SRGAP3: variants seen among roughly 807,000 people sequenced by gnomAD.
The protein encoded by SRGAP3 is SLIT-ROBO Rho GTPase activating protein 3.
A neutral mutation model predicts 121.1 loss-of-function variants in SRGAP3; 39 were observed. The ratio of observed to expected loss-of-function variants is 0.32; its 90% CI spans 0.25 to 0.42. SRGAP3 has a LOEUF of 0.42. SRGAP3 is among the 10% of genes least tolerant of loss of function. The pLI is 1.00. For missense variants in SRGAP3, 1,213 were observed against 1,470.6 expected (o/e 0.82, Z 2.86); for synonymous variants, 601 against 570.0 (o/e 1.05, Z -0.77).
chr3:9,257,698 CTTTTT>C (rs386395913), intron 3 of SRGAP3, among the ~76,000 whole-genome samples: 21 of 73,246 alleles, frequency 2.9e-4, no homozygotes, highest in African/African-American at 9.7e-4. Flanking sequence ...AAAATAGCTC[CTTTTT>C]TTTTTTTTTT....
At chr3:9,101,412 C>G (rs1227866072) in intron 3 of SRGAP3, among the ~76,000 whole-genome samples, 3 of 152,228 alleles carry the variant, frequency 2.0e-5, no homozygotes, top group African/African-American at 7.2e-5. Context: ...AGCCCTGCAG[C>G]GCCCCAGCCA....
intron 3 of SRGAP3, among the ~76,000 whole-genome samples, chr3:9,287,896 C>G (rs1954802954): frequency 6.6e-6 from 1 of 151,920 alleles, no homozygotes; most frequent in African/African-American, 2.4e-5. Flanking sequence ...TCTTGATGTT[C>G]TGAAGTTTCA....
At chr3:9,092,570 C>T (rs1947801445) in intron 3 of SRGAP3, among the ~76,000 whole-genome samples, 1 of 152,120 alleles carries the variant, frequency 6.6e-6, no homozygotes, top group Non-Finnish European at 1.5e-5. Flanking sequence ...TTGCCCAAGG[C>T]CATAGAGCTA....
chr3:8,990,351 C>T (rs1351851321), intron 21 of SRGAP3, among the ~76,000 whole-genome samples, 161 bp downstream of exon 21: 2 of 152,254 alleles, frequency 1.3e-5, no homozygotes, highest in Non-Finnish European at 2.9e-5. Flanking sequence ...TCCACTCCCA[C>T]GGGAAGCCCA....
intron 1 of SRGAP3, among the ~76,000 whole-genome samples, chr3:9,160,064 G>A (rs979968100): frequency 6.6e-6 from 1 of 152,166 alleles, no homozygotes; most frequent in African/African-American, 2.4e-5. Flanking sequence ...GGCTGCCTGG[G>A]TTCAAATCCC....
At chr3:9,050,991 C>T (rs1260443391) in intron 9 of SRGAP3, among the ~76,000 whole-genome samples, 1 of 139,178 alleles carries the variant, frequency 7.2e-6, no homozygotes, top group Non-Finnish European at 1.5e-5. Flanking sequence ...TAAATGACTA[C>T]AATCCAATCA....
At chr3:9,206,205 C>A (rs1209141979) in intron 1 of SRGAP3, among the ~76,000 whole-genome samples, 1 of 152,144 alleles carries the variant, frequency 6.6e-6, no homozygotes, top group Non-Finnish European at 1.5e-5. Context: ...AAAAAAAATG[C>A]AGGCTCTGTG....
At chr3:9,103,193 C>G (rs2124907913) in intron 3 of SRGAP3, among the ~76,000 whole-genome samples, 1 of 152,306 alleles carries the variant, frequency 6.6e-6, no homozygotes, top group Admixed American at 6.5e-5. Flanking sequence ...GTGGACAATC[C>G]AAACACAGAC....
intron 1 of SRGAP3, among the ~76,000 whole-genome samples, chr3:9,207,728 G>A (rs1403337569): frequency 2.0e-5 from 3 of 152,168 alleles, no homozygotes; most frequent in Non-Finnish European, 4.4e-5. Flanking sequence ...CCGGGCCTTT[G>A]GGAAGGGGAT....
chr3:9,030,153 AAATGAATGAATG>A (rs149686122), intron 12 of SRGAP3, among the ~76,000 whole-genome samples: 2,550 of 148,330 alleles, frequency 0.017, 79 homozygotes, highest in African/African-American at 0.059. Flanking sequence ...CTGCCTCAAT[AAATGAATGAATG>A]AATGAATGAA....
intron 12 of SRGAP3, among the ~76,000 whole-genome samples, chr3:9,027,763 A>G (rs1473967168): frequency 6.6e-6 from 1 of 152,208 alleles, no homozygotes; most frequent in Non-Finnish European, 1.5e-5. Context: ...GGATTCCATT[A>G]TTTGTTGACC....
rs201977640 is a variant in SRGAP3, at chr3:9,316,625, ACTC to A, written n.442+9382_442+9384del. Among the ~76,000 whole-genome samples, 644 of 152,216 alleles carry A rather than the reference ACTC, an allele frequency of 4.2e-3. 6 individuals carry two copies. Among genetic ancestry groups the A allele is most frequent in the African/African-American group, 0.015 (619 of 41,556 alleles). On this transcript the variant is annotated intron_variant and non_coding_transcript_variant, in intron 3 of 3. Transcript: ENST00000490889. The stretch of plus-strand genomic sequence containing the variant: ...CAGTGAGCTGAGATCGCACCACTGC[ACTC>A]CAGCCTGGTGACAGAGACTCCATCT...
At chr3:9,087,797 G>C (rs529992425) in intron 3 of SRGAP3, among the ~76,000 whole-genome samples, 2 of 152,278 alleles carry the variant, frequency 1.3e-5, no homozygotes. Context: ...CTTCAGGAAG[G>C]TGAAGACACC....
intron 9 of SRGAP3, chr3:9,049,185 C>T: frequency 3.0e-6 from 1 of 333,926 alleles, no homozygotes. Flanking sequence ...CCATTGACAG[C>T]TATGGGGGAA....
intron 1 of SRGAP3, among the ~76,000 whole-genome samples, chr3:9,360,889 T>A (rs1387626389): frequency 2.0e-5 from 3 of 152,190 alleles, no homozygotes; most frequent in Non-Finnish European, 4.4e-5. Flanking sequence ...CATTTTGTAT[T>A]TTCATCAGCA....
At chr3:9,023,642 C>G (rs932127157) in intron 14 of SRGAP3, among the ~76,000 whole-genome samples, 3 of 152,222 alleles carry the variant, frequency 2.0e-5, no homozygotes, top group Non-Finnish European at 2.9e-5. Flanking sequence ...CTGGCTCCCC[C>G]ACTAGTAGTG....
rs150317408 is a variant in SRGAP3, at chr3:9,234,130, G to A, written c.67+14755C>T. ...GAGCCCTAGATTAGCTGAGGGTCAC[G>A]GGACAAATAAATTCAAACAACCACA... On this transcript the variant is annotated intron_variant, in intron 1 of 21. Coordinates refer to ENST00000383836, the MANE Select transcript of SRGAP3 (RefSeq NM_014850.4). Among the ~76,000 whole-genome samples the A allele has an allele frequency of 1.3e-3, 191 of 152,252 alleles. 1 individual carries two copies. Among genetic ancestry groups the A allele is most frequent in the African/African-American group, 4.4e-3 (182 of 41,552 alleles).
At chr3:9,048,215 C>T (rs551121830) in intron 9 of SRGAP3, among the ~76,000 whole-genome samples, 1 of 152,356 alleles carries the variant, frequency 6.6e-6, no homozygotes, top group South Asian at 2.1e-4. Flanking sequence ...CAGAAACACA[C>T]CTACCTGCCT....
chr3:9,151,389 C>G (rs2664111), intron 1 of SRGAP3, among the ~76,000 whole-genome samples: 115,535 of 152,154 alleles, frequency 0.76, 44,161 homozygotes, highest in African/African-American at 0.85. Context: ...GGAGAGGCAG[C>G]CTGGAGCCAG....
Sources: gnomAD v4.1 joint callset for allele counts (sites outside exome capture counted in the v4.1 genomes callset) on GRCh38, gnomAD v4.1.1 for gene constraint, MANE v1.5 for transcripts, NCBI Gene and HGNC (gene_info 2026-07-23, HGNC 2026-07-21) for gene names.